Variants in GNRH2 observed in about 807,000 individuals in gnomAD.
GNRH2 encodes gonadotropin releasing hormone 2.
Under a neutral mutation model 12.1 loss-of-function variants are expected in GNRH2, and 15 were observed. The ratio of observed to expected loss-of-function variants is 1.24; its 90% CI spans 0.83 to 1.90. GNRH2 has a LOEUF of 1.90. GNRH2 is among the 40% of genes most tolerant of loss of function. GNRH2 has a pLI of 0.00. For missense variants in GNRH2, 143 were observed against 141.4 expected (o/e 1.01, Z -0.06); for synonymous variants, 60 against 62.0 (o/e 0.97, Z 0.15).
intron 1 of GNRH2, chr20:3,044,115 A>G: frequency 2.6e-6 from 1 of 380,166 alleles, no homozygotes; most frequent in South Asian, 5.4e-5. Context: ...TGAAGGAAAG[A>G]TGGATGGACC....
chr20:3,045,570 T>C (rs1189013505), intron 3 of GNRH2, 116 bp from the exon 4 acceptor site: 5 of 824,636 alleles, frequency 6.1e-6, no homozygotes, highest in Non-Finnish European at 1.0e-5. Flanking sequence ...GGCGTCCTGC[T>C]GTGGGAGGCC....
At position 3,045,699 on chromosome 20, in the gene GNRH2, AGCCCC is replaced by A. The variant is rs16996832; in HGVS notation, c.319_323del (p.Pro107IlefsTer4). The A allele has an allele frequency of 5.7e-3, 9,155 of 1,595,706 alleles. 59 individuals carry two copies. The highest frequency in any genetic ancestry group is 6.0e-3 in the Non-Finnish European group (6,941 of 1,165,882). Reference sequence around the variant, plus strand: ...CTCCCTCCGCAGACCGCAGCCCGAGAGCCCCGCCCCGCCCCGCCATCCTCCAATAA... The same window carrying A: ...CTCCCTCCGCAGACCGCAGCCCGAGAGCCCCGCCCCGCCATCCTCCAATAA... On this transcript the variant is annotated frameshift_variant, in exon 4 of 4. Transcript: ENST00000359100. LOFTEE classifies it low-confidence loss of function (END_TRUNC).
intron 3 of GNRH2, 145 bp downstream of exon 3, chr20:3,044,981 G>C: frequency 1.5e-6 from 1 of 654,676 alleles, no homozygotes; most frequent in South Asian, 1.8e-5. Flanking sequence ...CCATTTCTCA[G>C]TGCCCCTACT....
chr20:3,045,557 G>A (rs2065980052), intron 3 of GNRH2, 129 bp from the exon 4 acceptor site: 5 of 735,536 alleles, frequency 6.8e-6, no homozygotes, highest in South Asian at 6.6e-5. Flanking sequence ...ACGGGAGGCG[G>A]GGGGCGTCCT....
Position 3,045,555 on chromosome 20 carries a change from C to CG in GNRH2, c.292-125dup, listed in dbSNP as rs370558288. The CG allele has an allele frequency of 1.4e-4, 103 of 713,872 alleles. 1 individual carries two copies. The African/African-American group carries it at 1.6e-3, about 11-fold the overall frequency. The allele number at this position is 713,872 out of a possible 1,614,324, so 44.2% of individuals were successfully genotyped here. ...TGGATCCTCAGGCTTCTACGGGAGG[C>CG]GGGGGGCGTCCTGCTGTGGGAGGCC... On this transcript the variant is annotated intron_variant, in intron 3 of 3. Transcript: ENST00000359100.
chr20:3,044,338 T>C, intron 1 of GNRH2, 70 bp from the exon 2 acceptor site: 1 of 1,301,036 alleles, frequency 7.7e-7, no homozygotes, highest in Non-Finnish European at 1.1e-6. Context: ...TTTTCCAAAG[T>C]GGCCCTGGAG....
Position 3,044,830 on chromosome 20 carries a change from A to G in GNRH2, c.285A>G (p.Thr95=), listed in dbSNP as rs1275853239. The G allele has an allele frequency of 6.2e-7, 1 of 1,604,618 alleles. No homozygotes were observed. Among genetic ancestry groups the G allele is most frequent in the South Asian group, 1.1e-5 (1 of 90,668 alleles). ...SLHRKRHLAR[T]LLTAAREPRP... ...ACAGGAAGCGACACCTGGCACGGAC[A>G]CTGCTGGTGAGTAGGGTGAGAGGTC... The change falls in exon 3 of 4, where the codon ACA becomes ACG. Residue 95 remains threonine, a synonymous_variant. Coordinates refer to ENST00000359100, the MANE Select transcript of GNRH2 (RefSeq NM_178331.2).
At chr20:3,044,673 T>A in intron 2 of GNRH2, 27 bp from the exon 3 acceptor site, 1 of 1,604,652 alleles carries the variant, frequency 6.2e-7, no homozygotes, top group Non-Finnish European at 8.5e-7. Context: ...TCAGTTCCCT[T>A]CTAAGGAAGG....
rs2065964474 is a variant in GNRH2 at position 3,044,442 on chromosome 20, C to T, written c.28C>T (p.Leu10Phe). 6.2e-7 allele frequency: 1 copy of T among 1,613,490 alleles called. No homozygotes were observed. The highest frequency in any genetic ancestry group is 8.5e-7 in the Non-Finnish European group (1 of 1,179,772). Residue 10 changes from leucine (L) to phenylalanine (F), a missense_variant, in exon 2 of 4, where the codon CTC becomes TTC. Transcript: ENST00000359100. ...GGCCAGCTCCAGGCGAGGCCTCCTG[C>T]TCCTGCTGCTGCTGACTGCCCACCT... Reference protein sequence around the residue: MASSRRGLLLLLLLTAHLGP... With the variant: MASSRRGLLFLLLLTAHLGP...
intron 3 of GNRH2, among the ~76,000 whole-genome samples, chr20:3,045,381 C>T (rs2065977874): frequency 6.6e-6 from 1 of 152,192 alleles, no homozygotes; most frequent in South Asian, 2.1e-4. Flanking sequence ...ATCAGGAGAG[C>T]CCGGTAACTA....
intron 1 of GNRH2, 56 bp from the exon 2 acceptor site, chr20:3,044,352 G>T: frequency 2.7e-6 from 4 of 1,455,770 alleles, no homozygotes; most frequent in Non-Finnish European, 1.9e-6. Flanking sequence ...CCTGGAGGAA[G>T]TAGGGGGATG....
At chr20:3,043,847 G>A (rs2065958562) in intron 1 of GNRH2, among the ~76,000 whole-genome samples, 182 bp downstream of exon 1, 1 of 152,036 alleles carries the variant, frequency 6.6e-6, no homozygotes, top group East Asian at 1.9e-4. Flanking sequence ...TGTTGCCCCT[G>A]GCATGGGAGG....
At chr20:3,045,073 C>G (rs562177639) in intron 3 of GNRH2, among the ~76,000 whole-genome samples, 1 of 152,274 alleles carries the variant, frequency 6.6e-6, no homozygotes, top group Non-Finnish European at 1.5e-5. Flanking sequence ...GGGTTAAAGA[C>G]CAAAGTCACT....
At chr20:3,044,960 A>C in intron 3 of GNRH2, 124 bp downstream of exon 3, 1 of 716,824 alleles carries the variant, frequency 1.4e-6, no homozygotes, top group Non-Finnish European at 2.4e-6. Context: ...CCCCTGCCAC[A>C]GCACCCCCAG....
In GNRH2 at chr20:3,045,737, G is replaced by A. The variant is rs1006487686; in HGVS notation, c.*1G>A. ...CCCGCCATCCTCCAATAAAGTGTGA[G>A]GTTCTCCGAAGCTGTTGCGTCGAGT... On this transcript the variant is annotated 3_prime_UTR_variant, in exon 4 of 4. Transcript: ENST00000359100. 6.2e-7 allele frequency: 1 copy of A among 1,603,118 alleles called. No homozygotes were observed.
At chr20:3,044,989 A>G (rs2065974199) in intron 3 of GNRH2, among the ~76,000 whole-genome samples, 153 bp downstream of exon 3, 2 of 152,162 alleles carry the variant, frequency 1.3e-5, no homozygotes, top group South Asian at 4.2e-4. Flanking sequence ...CAGTGCCCCT[A>G]CTGCACACAG....
At chr20:3,044,046 A>G in intron 1 of GNRH2, 1 of 235,792 alleles carries the variant, frequency 4.2e-6, no homozygotes, top group Admixed American at 4.8e-5. Context: ...CCTCCCATCC[A>G]TTGGCCTGAA....
chr20:3,044,313 C>A, intron 1 of GNRH2, 95 bp from the exon 2 acceptor site: 1 of 948,212 alleles, frequency 1.1e-6, no homozygotes, highest in Non-Finnish European at 1.7e-6. Context: ...ACCAAAGCTG[C>A]CCCTGAGATG....
rs2065973387 is a variant in GNRH2, at chr20:3,044,908, G to A, written c.291+72G>A. On this transcript the variant is annotated intron_variant, in intron 3 of 3. Coordinates refer to ENST00000359100, the MANE Select transcript of GNRH2 (RefSeq NM_178331.2). The stretch of plus-strand genomic sequence containing the variant: ...TCAGAGGCCATTGTGGCTTAGGGTT[G>A]GGTGCTGGGAGGGTGGGGAGAATGA... 6 of 1,325,508 alleles carry A rather than the reference G, an allele frequency of 4.5e-6. No homozygotes were observed. In the South Asian group the frequency reaches 5.3e-5, roughly 12 times the overall value. 82.1% of individuals were successfully genotyped at this position (1,325,508 alleles called of 1,614,324 possible). A position where few individuals can be genotyped will look rare whatever the true frequency, so the allele number is the denominator to read the frequency against.
Sources: gnomAD v4.1 joint callset for allele counts (sites outside exome capture counted in the v4.1 genomes callset) on GRCh38, gnomAD v4.1.1 for gene constraint, MANE v1.5 for transcripts, NCBI Gene and HGNC (gene_info 2026-07-23, HGNC 2026-07-21) for gene names.